CTNND2: variants seen among roughly 807,000 people sequenced by gnomAD.
The protein encoded by CTNND2 is catenin delta 2.
In CTNND2, 22 loss-of-function variants were observed where a neutral mutation model predicts 144.4. The ratio of observed to expected loss-of-function variants is 0.15; its 90% confidence interval spans 0.11 to 0.22. The LOEUF (loss-of-function observed/expected upper bound fraction) is 0.22, where lower values mean the gene tolerates loss of function less well. CTNND2 is among the 10% of genes least tolerant of loss of function. CTNND2 has a pLI of 1.00. For missense variants in CTNND2, 1,353 were observed against 1,618.8 expected, an observed-to-expected ratio of 0.84 and a Z score of 2.82; for synonymous variants, 751 against 695.6, an observed-to-expected ratio of 1.08 and a Z score of -1.25.
intron 1 of CTNND2, 59 bp from the exon 2 acceptor site, chr5:11,732,331 T>C (rs1027328125): frequency 1.8e-5 from 28 of 1,531,614 alleles, no homozygotes; most frequent in Non-Finnish European, 2.3e-5. Flanking sequence ...CAGGTACAAC[T>C]ATCAGACCAC....
At chr5:11,828,739 A>C (rs904917726) in intron 1 of CTNND2, among the ~76,000 whole-genome samples, 5 of 152,126 alleles carry the variant, frequency 3.3e-5, no homozygotes, top group Admixed American at 6.5e-5. Context: ...GTGAAAATGG[A>C]CTAACACAGT....
intron 18 of CTNND2, among the ~76,000 whole-genome samples, chr5:11,007,672 G>A (rs559375357): frequency 1.6e-4 from 24 of 152,350 alleles, no homozygotes; most frequent in East Asian, 5.8e-4. Flanking sequence ...ACTTGGGGCC[G>A]TTTTCAAGGT....
rs377738488 is a variant in CTNND2, at chr5:11,791,362, C to G, written c.38-59090G>C. On this transcript the variant is annotated intron_variant, in intron 1 of 21. Coordinates refer to ENST00000304623, the MANE Select transcript of CTNND2 (RefSeq NM_001332.4). The stretch of plus-strand genomic sequence containing the variant: ...TTGTCAAGCAAACCAAGAGGAAGAC[C>G]GTGCAACAAGAAAATGCTGATATTA... Among the ~76,000 whole-genome samples, 67 of 152,168 alleles carry G rather than the reference C, an allele frequency of 4.4e-4. 1 individual carries two copies. The East Asian group carries it at 9.1e-3, about 21-fold the overall frequency.
chr5:11,748,216 A>T (rs1216140118), intron 1 of CTNND2, among the ~76,000 whole-genome samples: 3 of 151,900 alleles, frequency 2.0e-5, no homozygotes, highest in Non-Finnish European at 2.9e-5. Flanking sequence ...AGCCATAATA[A>T]TTTTATAGCT....
intron 1 of CTNND2, among the ~76,000 whole-genome samples, chr5:11,900,853 T>C (rs1253176682): frequency 1.3e-5 from 2 of 152,202 alleles, no homozygotes; most frequent in East Asian, 3.9e-4. Flanking sequence ...ATTGTCTGAA[T>C]TATGACATCC....
chr5:11,801,342 C>T (rs939981596), intron 1 of CTNND2, among the ~76,000 whole-genome samples: 6 of 152,130 alleles, frequency 3.9e-5, no homozygotes, highest in Non-Finnish European at 5.9e-5. Context: ...GCAGAGCATC[C>T]GACTGATGAT....
intron 2 of CTNND2, among the ~76,000 whole-genome samples, chr5:11,656,623 G>A (rs531543944): frequency 6.6e-6 from 1 of 152,028 alleles, no homozygotes; most frequent in African/African-American, 2.4e-5. Context: ...ACTGATCCAC[G>A]AACAGTGGAA....
intron 1 of CTNND2, among the ~76,000 whole-genome samples, chr5:11,825,188 T>C (rs1171260376): frequency 6.6e-6 from 1 of 152,126 alleles, no homozygotes; most frequent in Non-Finnish European, 1.5e-5. Flanking sequence ...ATAGGAACTT[T>C]AAAAGAACTA....
At chr5:10,989,448 T>C (rs1387486929) in intron 19 of CTNND2, among the ~76,000 whole-genome samples, 1 of 152,226 alleles carries the variant, frequency 6.6e-6, no homozygotes, top group Admixed American at 6.5e-5. Context: ...TCAGAATCCA[T>C]ATTTACTGAG....
At chr5:11,258,396 T>G (rs1008539748) in intron 9 of CTNND2, among the ~76,000 whole-genome samples, 3 of 152,130 alleles carry the variant, frequency 2.0e-5, no homozygotes, top group Admixed American at 2.0e-4. Flanking sequence ...AAACACTCAC[T>G]CATCAACATT....
At chr5:11,039,732 G>A (rs1207819474) in intron 16 of CTNND2, among the ~76,000 whole-genome samples, 1 of 152,088 alleles carries the variant, frequency 6.6e-6, no homozygotes, top group Admixed American at 6.6e-5. Context: ...GTACACTAAA[G>A]TTCCTTATGT....
At chr5:11,831,405 A>G (rs188846194) in intron 1 of CTNND2, among the ~76,000 whole-genome samples, 1 of 152,278 alleles carries the variant, frequency 6.6e-6, no homozygotes, top group Admixed American at 6.5e-5. Context: ...GTGGTGGCTC[A>G]TGCCTGTAAT....
At chr5:11,864,883 CTTTTTTTTTTT>C (rs59068101) in intron 1 of CTNND2, among the ~76,000 whole-genome samples, 7 of 56,748 alleles carry the variant, frequency 1.2e-4, no homozygotes, top group African/African-American at 4.9e-4. Context: ...CTTCTTCTTC[CTTTTTTTTTTT>C]TTTTTTTTTT....
intron 16 of CTNND2, 131 bp from the exon 17 acceptor site, chr5:11,023,110 T>A: frequency 1.4e-6 from 1 of 739,076 alleles, no homozygotes; most frequent in Non-Finnish European, 2.3e-6. Context: ...TTCCCATCAC[T>A]GAATGTTCCC....
chr5:11,445,888 T>A (rs1172223457), intron 3 of CTNND2, among the ~76,000 whole-genome samples: 2 of 152,228 alleles, frequency 1.3e-5, no homozygotes, highest in African/African-American at 4.8e-5. Context: ...AACGTAAATG[T>A]AACACAGTAT....
intron 9 of CTNND2, 39 bp downstream of exon 9, chr5:11,346,333 C>T (rs1754772501): frequency 1.4e-6 from 2 of 1,400,824 alleles, no homozygotes; most frequent in South Asian, 1.9e-5. Context: ...TACAAAACCT[C>T]TTTAGACATC....
At chr5:11,632,298 T>C in intron 2 of CTNND2, among the ~76,000 whole-genome samples, 1 of 152,020 alleles carries the variant, frequency 6.6e-6, no homozygotes, top group Non-Finnish European at 1.5e-5. Context: ...AAAGAGACAG[T>C]GAGACAGCCT....
intron 16 of CTNND2, among the ~76,000 whole-genome samples, chr5:11,046,824 T>TAAAACAAAAC (rs532384218): frequency 8.6e-5 from 13 of 152,030 alleles, no homozygotes; most frequent in African/African-American, 3.1e-4. Flanking sequence ...CCAAATCTGT[T>TAAAACAAAAC]AAAACAAAAC....
chr5:11,178,632 C>T (rs188458927), intron 11 of CTNND2, among the ~76,000 whole-genome samples: 23 of 152,056 alleles, frequency 1.5e-4, no homozygotes, highest in Admixed American at 1.2e-3. Context: ...TTATGGAGGT[C>T]TGAGAAATTT....
Sources: allele counts gnomAD v4.1 joint callset (sites outside exome capture counted in the v4.1 genomes callset), GRCh38; gene constraint gnomAD v4.1.1; transcripts MANE v1.5; gene names NCBI Gene and HGNC (gene_info 2026-07-23, HGNC 2026-07-21).